Variants in CSMD1 observed in about 807,000 individuals in gnomAD.
CSMD1 encodes CUB and sushi domain-containing protein 1.
Under a neutral mutation model 417.5 loss-of-function variants are expected in CSMD1, and 213 were observed. That is an observed-to-expected ratio of 0.51 (90% CI 0.46 to 0.57). The LOEUF (loss-of-function observed/expected upper bound fraction) is 0.57. Ranked by LOEUF, CSMD1 falls within the 20% of genes least tolerant of loss-of-function variation. The pLI, the probability that CSMD1 is intolerant of heterozygous loss-of-function variation, is 0.00. For missense variants in CSMD1, 6,923 were observed against 4,529.7 expected, an observed-to-expected ratio of 1.53 and a Z score of -15.17; for synonymous variants, 2,862 against 1,736.8, an observed-to-expected ratio of 1.65 and a Z score of -16.11.
intron 5 of CSMD1, among the ~76,000 whole-genome samples, chr8:3,853,066 C>G (rs2975377): frequency 0.051 from 7,815 of 152,186 alleles, 232 homozygotes; most frequent in Middle Eastern, 0.075. Context: ...CAACCCACGT[C>G]ACTCCATCCA....
intron 3 of CSMD1, among the ~76,000 whole-genome samples, chr8:4,322,062 C>G (rs2407887): frequency 0.8 from 122,125 of 152,036 alleles, 49,354 homozygotes; most frequent in East Asian, 0.99. Flanking sequence ...TTCACAGATA[C>G]TTTTCATCAT....
chr8:4,442,619 GCC>G (rs1035483278), intron 2 of CSMD1, among the ~76,000 whole-genome samples: 21 of 152,268 alleles, frequency 1.4e-4, no homozygotes, highest in African/African-American at 4.6e-4. Flanking sequence ...ACAGAAGCAA[GCC>G]CTCTGGATTG....
At chr8:3,777,621 A>C (rs1475470643) in intron 5 of CSMD1, among the ~76,000 whole-genome samples, 1 of 152,194 alleles carries the variant, frequency 6.6e-6, no homozygotes, top group East Asian at 1.9e-4. Context: ...CTCCCCCACC[A>C]GCATCCCAAC....
chr8:3,110,059 T>C (rs1370781518), intron 43 of CSMD1, 99 bp downstream of exon 43: 1 of 1,028,140 alleles, frequency 9.7e-7, no homozygotes, highest in East Asian at 2.8e-5. Flanking sequence ...TCTAAGAAGT[T>C]TATTCTAAAT....
intron 46 of CSMD1, among the ~76,000 whole-genome samples, chr8:3,102,809 GC>G (rs1409268438): frequency 1.3e-5 from 2 of 152,202 alleles, no homozygotes; most frequent in African/African-American, 4.8e-5. Flanking sequence ...TTTATACAAA[GC>G]CTGGAAGGTA....
At chr8:4,632,529 G>C (rs1802583049) in intron 2 of CSMD1, among the ~76,000 whole-genome samples, 1 of 151,970 alleles carries the variant, frequency 6.6e-6, no homozygotes, top group Non-Finnish European at 1.5e-5. Flanking sequence ...AGGGGGAGCA[G>C]GGAAAAACTC....
rs138531956 is a variant in CSMD1 at position 3,906,023 on chromosome 8, C to T, written c.818+91880G>A. On this transcript the variant is annotated intron_variant, in intron 5 of 69. Transcript: ENST00000635120. ...GGCCTGGAGTTCTTTTTATTTTCCC[C>T]GCTTTTCAAAACCCTAAATAGCGAG... Among the ~76,000 whole-genome samples, 68 of 152,220 alleles carry T rather than the reference C, an allele frequency of 4.5e-4. No homozygotes were observed. The East Asian group carries it at 0.012, about 28-fold the overall frequency.
chr8:3,854,949 T>G (rs1158786565), intron 5 of CSMD1, among the ~76,000 whole-genome samples: 1 of 152,016 alleles, frequency 6.6e-6, no homozygotes, highest in Non-Finnish European at 1.5e-5. Context: ...TGATGCTCAA[T>G]GGAAAAACAT....
chr8:4,720,296 T>C (rs193020604), intron 1 of CSMD1, among the ~76,000 whole-genome samples: 1 of 152,242 alleles, frequency 6.6e-6, no homozygotes, highest in African/African-American at 2.4e-5. Flanking sequence ...CAGAAAGCAA[T>C]GTGAAATTCC....
At chr8:3,607,847 A>G (rs1801695881) in intron 8 of CSMD1, among the ~76,000 whole-genome samples, 1 of 152,116 alleles carries the variant, frequency 6.6e-6, no homozygotes, top group Non-Finnish European at 1.5e-5. Flanking sequence ...CAGAAAGGAG[A>G]TGATACTTGA....
intron 12 of CSMD1, among the ~76,000 whole-genome samples, chr8:3,414,478 C>G (rs964967800): frequency 6.6e-6 from 1 of 152,160 alleles, no homozygotes; most frequent in Admixed American, 6.5e-5. Flanking sequence ...CCCTCACTGT[C>G]TATCATCATT....
chr8:3,408,228 G>A lies in CSMD1; in HGVS notation c.1745-3C>T, dbSNP rs1222439273. On this transcript the variant is annotated splice_region_variant and splice_polypyrimidine_tract_variant and intron_variant, in intron 13 of 69. Transcript: ENST00000635120. Reference sequence around the variant, plus strand: ...CGTAAAGTTGAAGAAACATGAAACTGTGAAGATGCAAATATATTTTCAAAC... The same window carrying A: ...CGTAAAGTTGAAGAAACATGAAACTATGAAGATGCAAATATATTTTCAAAC... 1.9e-6 allele frequency: 3 copies of A among 1,585,140 alleles called. No individual in the cohort carries two copies. The East Asian group carries it at 6.8e-5, about 36-fold the overall frequency.
intron 56 of CSMD1, among the ~76,000 whole-genome samples, chr8:2,974,209 A>T (rs1804721424): frequency 6.6e-6 from 1 of 152,202 alleles, no homozygotes; most frequent in Non-Finnish European, 1.5e-5. Flanking sequence ...CTCAAATGAG[A>T]TCCAGACTCT....
rs73661129 is a variant in CSMD1 at position 4,786,990 on chromosome 8, G to C, written c.86-149432C>G. ...TTGTTGGTATACTAACTGAAGACTG[G>C]AGAGACCCCGTGTGTGTGGCAATGT... On this transcript the variant is annotated intron_variant, in intron 1 of 69. Transcript: ENST00000635120. Among the ~76,000 whole-genome samples the C allele has an allele frequency of 5.7e-3, 874 of 152,306 alleles. 7 individuals are homozygous for C. The highest frequency in any genetic ancestry group is 0.02 in the African/African-American group (849 of 41,562).
intron 3 of CSMD1, among the ~76,000 whole-genome samples, chr8:4,302,672 C>T (rs1191149987): frequency 6.6e-6 from 1 of 152,132 alleles, no homozygotes; most frequent in African/African-American, 2.4e-5. Context: ...TGTTCAAAAG[C>T]ATTCATCTCT....
At chr8:4,766,555 G>T (rs1812478885) in intron 1 of CSMD1, among the ~76,000 whole-genome samples, 1 of 152,206 alleles carries the variant, frequency 6.6e-6, no homozygotes, top group South Asian at 2.1e-4. Context: ...TGAGAAATAT[G>T]CTTTCTGCCC....
intron 10 of CSMD1, among the ~76,000 whole-genome samples, chr8:3,557,547 G>C (rs1005704075): frequency 3.9e-5 from 6 of 152,210 alleles, no homozygotes; most frequent in Non-Finnish European, 5.9e-5. Flanking sequence ...AAGAGGCACA[G>C]TGTTTCCTTT....
At chr8:3,414,279 A>G (rs548323462) in intron 12 of CSMD1, among the ~76,000 whole-genome samples, 11 of 148,414 alleles carry the variant, frequency 7.4e-5, no homozygotes, top group African/African-American at 2.0e-4. Context: ...TGAACTAGAT[A>G]TAAGATTTGA....
intron 23 of CSMD1, among the ~76,000 whole-genome samples, chr8:3,327,262 C>T (rs926104940): frequency 5.3e-5 from 8 of 152,078 alleles, no homozygotes; most frequent in African/African-American, 1.9e-4. Context: ...CCTGCCTCAG[C>T]CTCCCGAGTA....
Sources: gnomAD v4.1 joint callset for allele counts (sites outside exome capture counted in the v4.1 genomes callset) on GRCh38, gnomAD v4.1.1 for gene constraint, MANE v1.5 for transcripts, NCBI Gene and HGNC (gene_info 2026-07-23, HGNC 2026-07-21) for gene names.